The following SLC22A23 variants were observed in gnomAD, a reference collection of about 807,000 sequenced individuals.
The protein encoded by SLC22A23 is ion transporter protein.
In SLC22A23, 26 loss-of-function variants were observed where a neutral mutation model predicts 61.0. The observed-to-expected ratio is 0.43, with a 90% CI of 0.31 to 0.59. SLC22A23 has a LOEUF of 0.59. SLC22A23 is among the 20% of genes least tolerant of loss of function. SLC22A23 has a pLI of 0.11. For missense variants in SLC22A23, 796 were observed against 934.7 expected, an observed-to-expected ratio of 0.85 and a Z score of 1.94; for synonymous variants, 430 against 413.9, an observed-to-expected ratio of 1.04 and a Z score of -0.47.
chr6:3,403,753 T>C (rs1012934948), intron 3 of SLC22A23, among the ~76,000 whole-genome samples: 1 of 152,230 alleles, frequency 6.6e-6, no homozygotes, highest in African/African-American at 2.4e-5. Context: ...TCAAAAGCCA[T>C]AGAATTCTAA....
chr6:3,272,756 A>G lies in SLC22A23; in HGVS notation c.*299T>C, dbSNP rs1758555490. On this transcript the variant is annotated 3_prime_UTR_variant, in exon 10 of 10. Transcript: ENST00000406686. ...CTGCGTCTCGCTGCCCAGGGAGGTG[A>G]TTCCATTTGTGATCAGTGAGAGGGA... 8.6e-6 allele frequency: 2 copies of G among 232,280 alleles called. No individual in the cohort carries two copies. Among genetic ancestry groups the G allele is most frequent in the Non-Finnish European group, 1.7e-5 (2 of 118,704 alleles). 14.4% of individuals were successfully genotyped at this position (232,280 alleles called of 1,614,324 possible).
chr6:3,398,453 T>TA, intron 3 of SLC22A23, among the ~76,000 whole-genome samples: 1 of 136,736 alleles, frequency 7.3e-6, no homozygotes, highest in Non-Finnish European at 1.6e-5. Flanking sequence ...TACAAAGCAC[T>TA]ATTTTTTTTT....
intron 3 of SLC22A23, among the ~76,000 whole-genome samples, chr6:3,378,657 C>CTTTTTT (rs574704294): frequency 5.0e-5 from 6 of 119,060 alleles, no homozygotes; most frequent in Admixed American, 2.0e-4. Flanking sequence ...TTTCTTTTTT[C>CTTTTTT]TTTTTTTTTT....
intron 1 of SLC22A23, among the ~76,000 whole-genome samples, chr6:3,429,070 T>A (rs1488616858): frequency 6.6e-6 from 1 of 152,194 alleles, no homozygotes; most frequent in Non-Finnish European, 1.5e-5. Flanking sequence ...GCCATGTATA[T>A]TTTGTTTGCC....
chr6:3,351,015 T>C (rs1764737542), intron 3 of SLC22A23, among the ~76,000 whole-genome samples: 1 of 152,142 alleles, frequency 6.6e-6, no homozygotes, highest in African/African-American at 2.4e-5. Flanking sequence ...ATTTACTAAC[T>C]TATAATGGTG....
chr6:3,349,090 T>G (rs1004773688), intron 3 of SLC22A23, among the ~76,000 whole-genome samples: 1 of 152,246 alleles, frequency 6.6e-6, no homozygotes, highest in Non-Finnish European at 1.5e-5. Flanking sequence ...GCTTCTGCCC[T>G]CAAGGACAGC....
intron 9 of SLC22A23, among the ~76,000 whole-genome samples, chr6:3,273,868 A>AT (rs1399485242): frequency 6.6e-6 from 1 of 152,194 alleles, no homozygotes; most frequent in Non-Finnish European, 1.5e-5. Flanking sequence ...AGGACATACC[A>AT]ACACGAACAG....
chr6:3,338,146 G>A (rs967181529), intron 3 of SLC22A23, among the ~76,000 whole-genome samples: 7 of 152,164 alleles, frequency 4.6e-5, no homozygotes, highest in Admixed American at 3.9e-4. Flanking sequence ...CTAGAAGCCC[G>A]AAGCCTTTTC....
chr6:3,319,166 C>A (rs1216210421), intron 4 of SLC22A23, among the ~76,000 whole-genome samples: 1 of 152,156 alleles, frequency 6.6e-6, no homozygotes, highest in African/African-American at 2.4e-5. Context: ...AGAATAAGCC[C>A]GTGCTCCTCA....
At chr6:3,306,304 C>T (rs1256112579) in intron 4 of SLC22A23, among the ~76,000 whole-genome samples, 1 of 152,134 alleles carries the variant, frequency 6.6e-6, no homozygotes, top group African/African-American at 2.4e-5. Flanking sequence ...CCGGGGGTCA[C>T]ATTTCAACAT....
At chr6:3,307,514 CTTGT>C (rs1268420213) in intron 4 of SLC22A23, among the ~76,000 whole-genome samples, 1 of 152,268 alleles carries the variant, frequency 6.6e-6, no homozygotes, top group Non-Finnish European at 1.5e-5. Flanking sequence ...TTAGCCTTCA[CTTGT>C]CCCTCCTCAC....
chr6:3,439,298 C>A (rs763280940), intron 1 of SLC22A23: 1 of 449,206 alleles, frequency 2.2e-6, no homozygotes, highest in East Asian at 7.1e-5. Flanking sequence ...AAATCATACC[C>A]CGTGGAAAGT....
intron 3 of SLC22A23, among the ~76,000 whole-genome samples, chr6:3,363,981 C>A (rs986706741): frequency 6.6e-6 from 1 of 152,134 alleles, no homozygotes; most frequent in African/African-American, 2.4e-5. Flanking sequence ...GGGCCCCAAA[C>A]GGTACTGACT....
chr6:3,367,241 T>A (rs1344186629), intron 3 of SLC22A23, among the ~76,000 whole-genome samples: 1 of 152,198 alleles, frequency 6.6e-6, no homozygotes, highest in African/African-American at 2.4e-5. Context: ...AAAGTACATT[T>A]CCAAAACAGT....
intron 1 of SLC22A23, among the ~76,000 whole-genome samples, chr6:3,430,867 G>A (rs1445297187): frequency 2.6e-5 from 4 of 152,104 alleles, no homozygotes; most frequent in Non-Finnish European, 4.4e-5. Context: ...GGAAGTTTGA[G>A]ACCAGCCTGA....
At chr6:3,284,082 C>T (rs984270426) in intron 8 of SLC22A23, 107 bp from the exon 9 acceptor site, 19 of 1,178,760 alleles carry the variant, frequency 1.6e-5, no homozygotes, top group Admixed American at 2.6e-5. Flanking sequence ...GTCCAGCTTG[C>T]GGCATGGATG....
rs181401588 is a variant in SLC22A23 at position 3,408,965 on chromosome 6, C to G, written c.913+1223G>C. Among the ~76,000 whole-genome samples, 5 of 152,380 alleles carry G rather than the reference C, an allele frequency of 3.3e-5. No homozygotes were observed. In the East Asian group the frequency reaches 9.6e-4, roughly 29 times the overall value. The stretch of plus-strand genomic sequence containing the variant: ...AGGCTTCTCCAGAAAAGTGCTTAGA[C>G]CTGTTCCTCTGCACAGACTGTCAGG... On this transcript the variant is annotated intron_variant, in intron 3 of 9. Coordinates refer to ENST00000406686, the MANE Select transcript of SLC22A23 (RefSeq NM_015482.2).
At chr6:3,398,892 G>A (rs1251179004) in intron 3 of SLC22A23, among the ~76,000 whole-genome samples, 4 of 152,222 alleles carry the variant, frequency 2.6e-5, no homozygotes, top group East Asian at 1.9e-4. Context: ...AGCCAGGCAC[G>A]GTGGTGCATG....
chr6:3,401,809 C>T (rs888609825), intron 3 of SLC22A23, among the ~76,000 whole-genome samples: 2 of 152,166 alleles, frequency 1.3e-5, no homozygotes, highest in Admixed American at 6.5e-5. Flanking sequence ...TTAGTTGCTA[C>T]CTTCATCCTG....
Sources: gnomAD v4.1 joint callset for allele counts (sites outside exome capture counted in the v4.1 genomes callset) on GRCh38, gnomAD v4.1.1 for gene constraint, MANE v1.5 for transcripts, NCBI Gene and HGNC (gene_info 2026-07-23, HGNC 2026-07-21) for gene names.